PTPRK: variants seen among roughly 807,000 people sequenced by gnomAD.
PTPRK encodes the protein receptor-type tyrosine-protein phosphatase kappa.
Under a neutral mutation model 178.0 loss-of-function variants are expected in PTPRK, and 75 were observed. The ratio of observed to expected loss-of-function variants is 0.42; its 90% CI spans 0.35 to 0.51. The LOEUF is 0.51. Among genes scored for constraint, PTPRK ranks in the 20% least tolerant of loss-of-function variants. PTPRK has a pLI of 0.02. For synonymous variants in PTPRK, 637 were observed against 620.6 expected, an observed-to-expected ratio of 1.03 and a Z score of -0.39; for missense variants, 1,441 against 1,797.8, an observed-to-expected ratio of 0.80 and a Z score of 3.59.
intron 1 of PTPRK, among the ~76,000 whole-genome samples, chr6:128,505,760 G>A (rs1018173244): frequency 3.3e-5 from 5 of 152,156 alleles, no homozygotes; most frequent in African/African-American, 7.2e-5. Context: ...TCTAAAGCTC[G>A]AGTCTAACAT....
At chr6:128,354,116 T>C (rs1436121528) in intron 2 of PTPRK, among the ~76,000 whole-genome samples, 4 of 151,938 alleles carry the variant, frequency 2.6e-5, no homozygotes, top group Non-Finnish European at 4.4e-5. Context: ...TGGTTAAATA[T>C]ACCGTAAGGA....
At chr6:128,375,406 TA>T (rs200700309) in intron 2 of PTPRK, among the ~76,000 whole-genome samples, 99 of 145,102 alleles carry the variant, frequency 6.8e-4, no homozygotes, top group African/African-American at 2.2e-3. Flanking sequence ...ACAACCTTTT[TA>T]AAAAAAAAAA....
At chr6:127,990,968 T>TA in intron 20 of PTPRK, 83 bp from the exon 21 acceptor site, 1 of 789,650 alleles carries the variant, frequency 1.3e-6, no homozygotes, top group Non-Finnish European at 2.0e-6. Flanking sequence ...CAATAACTCC[T>TA]TGTCACAATT....
chr6:128,013,759 C>T (rs186621668), intron 13 of PTPRK, among the ~76,000 whole-genome samples: 5 of 151,664 alleles, frequency 3.3e-5, no homozygotes, highest in African/African-American at 1.2e-4. Context: ...TTTGTCATCA[C>T]TTTTCCCATC....
At chr6:128,425,004 A>C (rs962609782) in intron 1 of PTPRK, among the ~76,000 whole-genome samples, 1 of 151,434 alleles carries the variant, frequency 6.6e-6, no homozygotes, top group Non-Finnish European at 1.5e-5. Context: ...TACATGAATA[A>C]GTTCTTTAGC....
At chr6:128,358,246 GGA>G (rs927150850) in intron 2 of PTPRK, among the ~76,000 whole-genome samples, 7 of 152,180 alleles carry the variant, frequency 4.6e-5, no homozygotes, top group African/African-American at 1.4e-4. Context: ...TGGCCCTGAA[GGA>G]GAGGGCATAT....
At chr6:128,321,798 G>T (rs1186989562) in intron 3 of PTPRK, 2 of 709,674 alleles carry the variant, frequency 2.8e-6, no homozygotes, top group Admixed American at 4.0e-5. Flanking sequence ...TAGTTTGAAG[G>T]TTTTGTGCCA....
At chr6:128,221,380 C>T (rs956686867) in intron 5 of PTPRK, among the ~76,000 whole-genome samples, 1 of 151,850 alleles carries the variant, frequency 6.6e-6, no homozygotes, top group African/African-American at 2.4e-5. Context: ...AAAAATTAGC[C>T]AGGCGCGGTG....
intron 3 of PTPRK, among the ~76,000 whole-genome samples, chr6:128,243,222 G>A (rs1351709950): frequency 6.6e-6 from 1 of 152,020 alleles, no homozygotes; most frequent in Non-Finnish European, 1.5e-5. Context: ...TACCATGAGG[G>A]TGAGGTCAGG....
chr6:128,271,488 C>T (rs1819815229), intron 3 of PTPRK, among the ~76,000 whole-genome samples: 1 of 152,084 alleles, frequency 6.6e-6, no homozygotes, highest in Non-Finnish European at 1.5e-5. Context: ...TGGAAAATGG[C>T]TGATAAAACC....
At chr6:128,260,788 A>G (rs999379356) in intron 3 of PTPRK, among the ~76,000 whole-genome samples, 5 of 152,176 alleles carry the variant, frequency 3.3e-5, no homozygotes, top group Non-Finnish European at 5.9e-5. Context: ...ACATTCACTG[A>G]ACTTTCATGT....
At chr6:128,263,988 T>G (rs1818569041) in intron 3 of PTPRK, among the ~76,000 whole-genome samples, 1 of 151,966 alleles carries the variant, frequency 6.6e-6, no homozygotes, top group Admixed American at 6.6e-5. Flanking sequence ...TCCTTGAAGA[T>G]AGAGGAGGTT....
rs1354020851 is a variant in PTPRK, at chr6:128,028,867, G to A, written c.2195-19599C>T. ...CTGATTTAAGGTTAGGATGTTAAAC[G>A]GACTCTATTTTTACATGACCATAAT... On this transcript the variant is annotated intron_variant, in intron 13 of 29. Coordinates refer to ENST00000368226, the MANE Select transcript of PTPRK (RefSeq NM_002844.4). Among the ~76,000 whole-genome samples, 4 of 152,180 alleles carry A rather than the reference G, an allele frequency of 2.6e-5. No homozygotes were observed. In the East Asian group the frequency reaches 5.8e-4, roughly 22 times the overall value.
chr6:128,242,644 A>C (rs1814681223), intron 3 of PTPRK, 42 bp from the exon 4 acceptor site: 1 of 1,602,250 alleles, frequency 6.2e-7, no homozygotes, highest in Non-Finnish European at 8.5e-7. Flanking sequence ...AATAGTTTTC[A>C]AGGAATTTCT....
rs1007576750 is a variant in PTPRK at position 128,004,132 on chromosome 6, G to A, written c.2494+952C>T. Among the ~76,000 whole-genome samples, 6 of 151,536 alleles carry A rather than the reference G, an allele frequency of 4.0e-5. 1 individual carries two copies. The highest frequency in any genetic ancestry group is 1.2e-4 in the African/African-American group (5 of 41,298). On this transcript the variant is annotated intron_variant, in intron 15 of 29. Transcript: ENST00000368226. The stretch of plus-strand genomic sequence containing the variant: ...GAGATAATACTTATATTGTTTCTTT[G>A]CTTATACCCATGTTTTCCAAACCGG...
intron 1 of PTPRK, among the ~76,000 whole-genome samples, chr6:128,460,590 A>C (rs1386786062): frequency 2.6e-5 from 4 of 152,154 alleles, no homozygotes; most frequent in Non-Finnish European, 5.9e-5. Context: ...AGAAGTAATC[A>C]TTAAAGATAA....
At chr6:128,228,843 T>C (rs1254124064) in intron 5 of PTPRK, among the ~76,000 whole-genome samples, 2 of 152,154 alleles carry the variant, frequency 1.3e-5, no homozygotes, top group South Asian at 2.1e-4. Context: ...CTAGAAAAAA[T>C]AGGTACAGAC....
chr6:128,282,802 C>T (rs1293455337), intron 3 of PTPRK, among the ~76,000 whole-genome samples: 1 of 152,000 alleles, frequency 6.6e-6, no homozygotes, highest in Admixed American at 6.6e-5. Context: ...GCACTGTGAG[C>T]TTTTTTGCAA....
intron 1 of PTPRK, among the ~76,000 whole-genome samples, chr6:128,410,472 T>C (rs1842177986): frequency 6.6e-6 from 1 of 152,198 alleles, no homozygotes; most frequent in Admixed American, 6.5e-5. Flanking sequence ...AGACAAAAAC[T>C]ACTTTTTGCT....
Sources: gnomAD v4.1 joint callset for allele counts (sites outside exome capture counted in the v4.1 genomes callset) on GRCh38, gnomAD v4.1.1 for gene constraint, MANE v1.5 for transcripts, NCBI Gene and HGNC (gene_info 2026-07-23, HGNC 2026-07-21) for gene names.